ZNF257: variants seen among roughly 807,000 people sequenced by gnomAD.
ZNF257 encodes bone marrow zinc finger 4.
In ZNF257, 12 loss-of-function variants were observed where a neutral mutation model predicts 11.9. That is an observed-to-expected ratio of 1.01 (90% CI 0.65 to 1.63). ZNF257 has a LOEUF of 1.63. Ranked by LOEUF, ZNF257 falls within the 40% of genes most tolerant of loss-of-function variation. ZNF257 has a pLI of 0.00. For missense variants in ZNF257, 580 were observed against 665.5 expected (o/e 0.87, Z 1.41); for synonymous variants, 183 against 222.7 (o/e 0.82, Z 1.59).
In ZNF257 at chr19:22,088,733, C is replaced by T. The variant is rs2022545698; in HGVS notation, c.983C>T (p.Ser328Phe). ...CEECGKAFNQSSALTRHKMIH... is the reference protein window; with the variant it reads ...CEECGKAFNQFSALTRHKMIH... ...GAGTGTGGCAAAGCCTTTAACCAGT[C>T]CTCAGCCCTTACTCGACATAAGATG... Residue 328 changes from serine (S) to phenylalanine (F), a missense_variant, in exon 4 of 4, where the codon TCC becomes TTC. Ser to Phe is a radical substitution (Grantham distance 155). Transcript: ENST00000594947. 5 of 1,611,926 alleles carry T rather than the reference C, an allele frequency of 3.1e-6. No homozygotes were observed. Among genetic ancestry groups the T allele is most frequent in the Admixed American group, 1.7e-5 (1 of 59,836 alleles).
intron 1 of ZNF257, among the ~76,000 whole-genome samples, chr19:22,064,585 T>C (rs2021892147): frequency 6.6e-6 from 1 of 152,168 alleles, no homozygotes; most frequent in African/African-American, 2.4e-5. Flanking sequence ...AAACTGATTG[T>C]CCAAGGTGAT....
chr19:22,057,793 T>C (rs2021683622), intron 1 of ZNF257, among the ~76,000 whole-genome samples: 1 of 152,164 alleles, frequency 6.6e-6, no homozygotes, highest in South Asian at 2.1e-4. Flanking sequence ...GGAGTCTCAC[T>C]GTGTCGCCCA....
chr19:22,087,442 TG>T, intron 3 of ZNF257: 1 of 507,456 alleles, frequency 2.0e-6, no homozygotes, highest in Non-Finnish European at 3.1e-6. Flanking sequence ...TACCTGTCTG[TG>T]GTACTGCAGT....
chr19:22,074,775 GTTTA>G (rs978430659), intron 3 of ZNF257, among the ~76,000 whole-genome samples: 12 of 152,144 alleles, frequency 7.9e-5, no homozygotes, highest in South Asian at 4.1e-4. Flanking sequence ...AATTTACGGA[GTTTA>G]TTTATTAACT....
chr19:22,088,796 G>A lies in ZNF257; in HGVS notation c.1046G>A (p.Cys349Tyr). 6.2e-7 allele frequency: 1 copy of A among 1,612,714 alleles called. No homozygotes were observed. Among genetic ancestry groups the A allele is most frequent in the South Asian group, 1.1e-5 (1 of 91,024 alleles). Residue 349 changes from cysteine (C) to tyrosine (Y), a missense_variant, in exon 4 of 4, where the codon TGT (cysteine) becomes TAT (tyrosine). By Grantham distance (194) the Cys-to-Tyr change is radical (BLOSUM62 -2). Transcript: ENST00000594947. Reference sequence around the variant, plus strand: ...GAGAAACCCTTCCAATGTGAAGAGTGTGGCAAAGCTTTTAACCGGTCTTCA... The same window carrying A: ...GAGAAACCCTTCCAATGTGAAGAGTATGGCAAAGCTTTTAACCGGTCTTCA... Reference protein sequence around the residue: ...TGEKPFQCEECGKAFNRSSHL... With the variant: ...TGEKPFQCEEYGKAFNRSSHL...
chr19:22,053,949 A>G (rs577907713), intron 1 of ZNF257, among the ~76,000 whole-genome samples: 33 of 151,970 alleles, frequency 2.2e-4, no homozygotes, highest in Admixed American at 7.2e-4. Context: ...CAAAACAAAA[A>G]CCATGCATTT....
At chr19:22,066,806 T>C (rs534772354) in intron 1 of ZNF257, among the ~76,000 whole-genome samples, 1 of 152,336 alleles carries the variant, frequency 6.6e-6, no homozygotes, top group African/African-American at 2.4e-5. Flanking sequence ...CATGGTGTTG[T>C]AAATTTTTCT....
chr19:22,059,361 C>A (rs2021730432), intron 1 of ZNF257, among the ~76,000 whole-genome samples: 1 of 152,134 alleles, frequency 6.6e-6, no homozygotes, highest in Admixed American at 6.6e-5. Flanking sequence ...GCATTCTTAT[C>A]ATTTAGCTCT....
intron 1 of ZNF257, among the ~76,000 whole-genome samples, chr19:22,055,861 C>T (rs999702723): frequency 4.6e-5 from 7 of 151,520 alleles, no homozygotes; most frequent in Non-Finnish European, 8.8e-5. Flanking sequence ...GTCAGGAGAT[C>T]GAGACCACGG....
At chr19:22,063,177 A>G (rs2021849121) in intron 1 of ZNF257, among the ~76,000 whole-genome samples, 1 of 152,130 alleles carries the variant, frequency 6.6e-6, no homozygotes, top group Non-Finnish European at 1.5e-5. Flanking sequence ...AGTAGACTTC[A>G]GTAGTTATTT....
rs776113792 is a variant in ZNF257, at chr19:22,089,425, A to G, written c.1675A>G (p.Thr559Ala). The change falls in exon 4 of 4, where the codon ACT (threonine) becomes GCT (alanine). Residue 559 changes from threonine to alanine, a missense_variant. Transcript: ENST00000594947. The part of the protein sequence containing the change: ...GKACNHSSNL[T>A]KHNS Reference sequence around the variant, plus strand: ...AGCTTGTAACCATTCCTCAAACCTTACTAAACATAATTCATAATGGAGAAA... The same window carrying G: ...AGCTTGTAACCATTCCTCAAACCTTGCTAAACATAATTCATAATGGAGAAA... 6.2e-7 allele frequency: 1 copy of G among 1,608,544 alleles called. No homozygotes were observed. Among genetic ancestry groups the G allele is most frequent in the African/African-American group, 1.3e-5 (1 of 74,600 alleles).
intron 1 of ZNF257, chr19:22,065,681 G>A (rs1216195583): frequency 6.6e-6 from 1 of 152,106 alleles, no homozygotes; most frequent in Non-Finnish European, 1.5e-5. Flanking sequence ...TTAGTGTCTT[G>A]TATTTCACTA....
At position 22,089,305 on chromosome 19, in the gene ZNF257, G is replaced by C; in HGVS notation, c.1555G>C (p.Glu519Gln). Residue 519 changes from glutamate to glutamine, a missense_variant, in exon 4 of 4, where the codon GAA becomes CAA. By Grantham distance (29) the Glu-to-Gln change is conservative. Transcript: ENST00000594947. Reference protein sequence around the residue: ...HTGEKPYKCEECGKPFNRFSY... With the variant: ...HTGEKPYKCEQCGKPFNRFSY... The stretch of plus-strand genomic sequence containing the variant: ...TGGAGAGAAACCCTACAAATGTGAA[G>C]AATGTGGCAAGCCTTTTAATCGTTT... 6.2e-7 allele frequency: 1 copy of C among 1,613,814 alleles called. No homozygotes were observed. Among genetic ancestry groups the C allele is most frequent in the Non-Finnish European group, 8.5e-7 (1 of 1,179,894 alleles).
At chr19:22,067,841 A>C (rs1186788097) in intron 1 of ZNF257, among the ~76,000 whole-genome samples, 1 of 146,276 alleles carries the variant, frequency 6.8e-6, no homozygotes, top group Non-Finnish European at 1.5e-5. Flanking sequence ...CTCAAAAAAA[A>C]TAAAAAATAA....
At chr19:22,060,623 T>G (rs890912078) in intron 1 of ZNF257, 1 of 151,984 alleles carries the variant, frequency 6.6e-6, no homozygotes, top group Non-Finnish European at 1.5e-5. Context: ...GTAGCTGGGA[T>G]TACAGGTGCC....
Position 22,091,370 on chromosome 19 carries a change from G to A in ZNF257, c.*1928G>A, listed in dbSNP as rs1402047787. On this transcript the variant is annotated 3_prime_UTR_variant, in exon 4 of 4. Transcript: ENST00000594947. ...AGCTATTTGGGAGATTGAGGCAAGAGAATCACGTGTACCCAGGAGGCAGAG... is the reference window on the plus strand; with the variant it reads ...AGCTATTTGGGAGATTGAGGCAAGAAAATCACGTGTACCCAGGAGGCAGAG... 1 of 142,458 alleles carries A rather than the reference G, an allele frequency of 7.0e-6. No homozygotes were observed. Among genetic ancestry groups the A allele is most frequent in the Non-Finnish European group, 1.5e-5 (1 of 66,984 alleles). The allele number at this position is 142,458 out of a possible 1,614,324, so 8.8% of individuals were successfully genotyped here.
At chr19:22,080,348 A>G (rs1055119311) in intron 3 of ZNF257, among the ~76,000 whole-genome samples, 2 of 152,146 alleles carry the variant, frequency 1.3e-5, no homozygotes, top group African/African-American at 4.8e-5. Flanking sequence ...TTCCTTGTGC[A>G]TGGGTTGGCA....
chr19:22,090,238 G>A lies in ZNF257; in HGVS notation c.*796G>A, dbSNP rs1284534099. The stretch of plus-strand genomic sequence containing the variant: ...TCTTTCAGAAATATAAACCTTTAAA[G>A]TGAAGAAGAGTTCATTCTAAAGACA... On this transcript the variant is annotated 3_prime_UTR_variant, in exon 4 of 4. Transcript: ENST00000594947. The A allele has an allele frequency of 6.6e-6, 1 of 152,048 alleles. No individual in the cohort carries two copies. Among genetic ancestry groups the A allele is most frequent in the Non-Finnish European group, 1.5e-5 (1 of 67,986 alleles). The allele number at this position is 152,048 out of a possible 1,614,324, so 9.4% of individuals were successfully genotyped here.
chr19:22,083,457 A>G (rs995806719), intron 3 of ZNF257, among the ~76,000 whole-genome samples: 9 of 152,074 alleles, frequency 5.9e-5, no homozygotes, highest in African/African-American at 1.9e-4. Context: ...GTGACGAGTG[A>G]AACTCCATCT....
Sources: allele counts gnomAD v4.1 joint callset (sites outside exome capture counted in the v4.1 genomes callset), GRCh38; gene constraint gnomAD v4.1.1; transcripts MANE v1.5; gene names NCBI Gene and HGNC (gene_info 2026-07-23, HGNC 2026-07-21).